Variants in TMEM26 observed in about 807,000 individuals in gnomAD.
TMEM26 encodes transmembrane protein 26.
In TMEM26, 38 loss-of-function variants were observed where a neutral mutation model predicts 28.8. The ratio of observed to expected loss-of-function variants is 1.32; its 90% CI spans 1.02 to 1.73. The LOEUF is 1.73. TMEM26 is among the 40% of genes most tolerant of loss of function. The probability of loss-of-function intolerance (pLI) is 0.00; values close to 1 mark genes in which losing one functional copy is unlikely to be tolerated. For missense variants in TMEM26, 518 were observed against 447.1 expected, an observed-to-expected ratio of 1.16 and a Z score of -1.43; for synonymous variants, 227 against 182.9, an observed-to-expected ratio of 1.24 and a Z score of -1.95.
chr10:61,443,770 T>C (rs572117601), intron 1 of TMEM26, among the ~76,000 whole-genome samples: 7 of 152,316 alleles, frequency 4.6e-5, no homozygotes, highest in African/African-American at 7.2e-5. Context: ...GTACCCCATA[T>C]ACCTCACTCA....
intron 4 of TMEM26, among the ~76,000 whole-genome samples, chr10:61,422,994 A>T (rs1326253199): frequency 6.6e-6 from 1 of 152,074 alleles, no homozygotes; most frequent in Non-Finnish European, 1.5e-5. Flanking sequence ...AGAAATTGCT[A>T]AACTCAAGAA....
Position 61,440,514 on chromosome 10 carries a change from C to CAAAAAA in TMEM26, c.192-4272_192-4267dup. On this transcript the variant is annotated intron_variant, in intron 1 of 5. Transcript: ENST00000399298. Reference sequence around the variant, plus strand: ...ATAACAGTGTTCTTCTTCCAGTTCTCAAAAAAAAAAAAAAAAAAAAGCAAG... The same window carrying CAAAAAA: ...ATAACAGTGTTCTTCTTCCAGTTCTCAAAAAAAAAAAAAAAAAAAAAAAAAAGCAAG... Among the ~76,000 whole-genome samples the CAAAAAA allele has an allele frequency of 2.0e-5, 2 of 99,058 alleles. 1 individual carries two copies. The highest frequency in any genetic ancestry group is 4.0e-5 in the Non-Finnish European group (2 of 49,414). The allele number at this position is 99,058 out of a possible 152,430, so 65.0% of individuals were successfully genotyped here.
At chr10:61,417,453 A>AGAATTCAT (rs1050294069) in intron 4 of TMEM26, among the ~76,000 whole-genome samples, 1 of 148,306 alleles carries the variant, frequency 6.7e-6, no homozygotes, top group African/African-American at 2.4e-5. Context: ...ATCAGTGGAT[A>AGAATTCAT]GAATTCATCT....
At chr10:61,426,980 G>T (rs1332365147) in intron 4 of TMEM26, among the ~76,000 whole-genome samples, 2 of 151,960 alleles carry the variant, frequency 1.3e-5, no homozygotes, top group Admixed American at 1.3e-4. Context: ...GAGGGTTTTT[G>T]GGACAGTGGA....
Position 61,409,894 on chromosome 10 carries a change from A to G in TMEM26, c.*428T>C, listed in dbSNP as rs1839540953. 1 of 170,738 alleles carries G rather than the reference A, an allele frequency of 5.9e-6. No individual in the cohort carries two copies. Among genetic ancestry groups the G allele is most frequent in the African/African-American group, 2.4e-5 (1 of 41,650 alleles). 10.6% of individuals were successfully genotyped at this position (170,738 alleles called of 1,614,324 possible). On this transcript the variant is annotated 3_prime_UTR_variant, in exon 6 of 6. Coordinates refer to ENST00000399298, the MANE Select transcript of TMEM26 (RefSeq NM_178505.8). ...CATTTGTTCTGCATTCACTGAATGT[A>G]CATTTTTTGATGTCAGAGGAACATT...
chr10:61,408,797 A>T lies in TMEM26; in HGVS notation c.*1525T>A, dbSNP rs2135281734. The T allele has an allele frequency of 6.6e-6, 1 of 151,786 alleles. No homozygotes were observed. The highest frequency in any genetic ancestry group is 6.5e-5 in the Admixed American group (1 of 15,302). The allele number at this position is 151,786 out of a possible 1,614,324, so 9.4% of individuals were successfully genotyped here. A position where few individuals can be genotyped will look rare whatever the true frequency, so the allele number is the denominator to read the frequency against. The stretch of plus-strand genomic sequence containing the variant: ...TTAGAAGCACAAGGAAGAAAGAAAT[A>T]AAAAACATATAACAATGGCACTGAA... On this transcript the variant is annotated 3_prime_UTR_variant, in exon 6 of 6. Coordinates refer to ENST00000399298, the MANE Select transcript of TMEM26 (RefSeq NM_178505.8).
At chr10:61,437,916 A>C (rs980371073) in intron 1 of TMEM26, among the ~76,000 whole-genome samples, 2 of 152,230 alleles carry the variant, frequency 1.3e-5, no homozygotes, top group African/African-American at 4.8e-5. Context: ...CAATAGTTTG[A>C]AATGACCTAG....
At position 61,443,141 on chromosome 10, in the gene TMEM26, A is replaced by G. The variant is rs917852522; in HGVS notation, c.192-6893T>C. 2.2e-4 allele frequency among the ~76,000 whole-genome samples: 33 copies of G among 152,074 alleles called. 1 individual carries two copies. The highest frequency in any genetic ancestry group is 4.4e-5 in the Non-Finnish European group (3 of 68,012). ...CCCCAAAATGGAAAATTGAATATAAATGAGAAAGTTTTAAAAGGTGCCAAG... is the reference window on the plus strand; with the variant it reads ...CCCCAAAATGGAAAATTGAATATAAGTGAGAAAGTTTTAAAAGGTGCCAAG... On this transcript the variant is annotated intron_variant, in intron 1 of 5. Transcript: ENST00000399298.
At chr10:61,411,788 C>T (rs770187188) in intron 5 of TMEM26, among the ~76,000 whole-genome samples, 84 of 152,258 alleles carry the variant, frequency 5.5e-4, no homozygotes, top group Non-Finnish European at 9.1e-4. Context: ...ATAATGAAGC[C>T]TTCCATTTGG....
intron 4 of TMEM26, chr10:61,414,854 A>G (rs1839624927): frequency 2.9e-6 from 1 of 340,286 alleles, no homozygotes; most frequent in Non-Finnish European, 4.2e-6. Flanking sequence ...AATTGATGAC[A>G]GACATTCAGA....
At chr10:61,418,069 G>A (rs1839682878) in intron 4 of TMEM26, among the ~76,000 whole-genome samples, 1 of 151,688 alleles carries the variant, frequency 6.6e-6, no homozygotes, top group South Asian at 2.1e-4. Flanking sequence ...CCCCAGCTTG[G>A]CTATTTTTTT....
chr10:61,438,770 A>G (rs1840046756), intron 1 of TMEM26, among the ~76,000 whole-genome samples: 1 of 152,202 alleles, frequency 6.6e-6, no homozygotes, highest in Non-Finnish European at 1.5e-5. Flanking sequence ...CGAAGACTTC[A>G]TTATCTGATC....
At chr10:61,439,764 A>T (rs377346399) in intron 1 of TMEM26, among the ~76,000 whole-genome samples, 6 of 152,294 alleles carry the variant, frequency 3.9e-5, no homozygotes, top group Admixed American at 2.0e-4. Flanking sequence ...AATGAGATTG[A>T]CACTTTAGGT....
At chr10:61,423,196 T>C (rs1024058458) in intron 4 of TMEM26, among the ~76,000 whole-genome samples, 6 of 152,272 alleles carry the variant, frequency 3.9e-5, no homozygotes, top group African/African-American at 1.4e-4. Flanking sequence ...TGATATTAAA[T>C]TGATAATTTA....
chr10:61,411,308 T>C (rs901638981), intron 5 of TMEM26, among the ~76,000 whole-genome samples: 5 of 152,206 alleles, frequency 3.3e-5, no homozygotes, highest in African/African-American at 1.2e-4. Context: ...TGGCTCATTT[T>C]GTTTCCATTA....
rs543644412 is a variant in TMEM26 at position 61,434,593 on chromosome 10, G to A, written c.270+1577C>T. 3.3e-5 allele frequency among the ~76,000 whole-genome samples: 5 copies of A among 152,250 alleles called. No individual in the cohort carries two copies. In the South Asian group the frequency reaches 1.0e-3, roughly 32 times the overall value. On this transcript the variant is annotated intron_variant, in intron 2 of 5. Transcript: ENST00000399298. The stretch of plus-strand genomic sequence containing the variant: ...ACTCCTTCCAGTATAGTTTTAAAAA[G>A]CCATGATAACTTGAACCAAAAATAT...
chr10:61,442,839 G>A (rs754066867), intron 1 of TMEM26, among the ~76,000 whole-genome samples: 1 of 152,174 alleles, frequency 6.6e-6, no homozygotes, highest in Non-Finnish European at 1.5e-5. Flanking sequence ...GCTTGGCAAA[G>A]GCTTTCTGTT....
At chr10:61,431,160 G>A in intron 3 of TMEM26, 59 bp downstream of exon 3, 2 of 1,376,366 alleles carry the variant, frequency 1.5e-6, no homozygotes, top group Non-Finnish European at 2.1e-6. Flanking sequence ...AGGTAATTGA[G>A]GATTATACCA....
At position 61,408,312 on chromosome 10, in the gene TMEM26, ATACTT is replaced by A. The variant is rs1245227056; in HGVS notation, c.*2005_*2009del. On this transcript the variant is annotated 3_prime_UTR_variant, in exon 6 of 6. Coordinates refer to ENST00000399298, the MANE Select transcript of TMEM26 (RefSeq NM_178505.8). ...AGCCCACGAGGAGTCTAATTACAAAATACTTTAATTTAAACACTAGAAACTCATTC... is the reference window on the plus strand; with the variant it reads ...AGCCCACGAGGAGTCTAATTACAAAATAATTTAAACACTAGAAACTCATTC... 3.3e-5 allele frequency: 5 copies of A among 152,218 alleles called. No homozygotes were observed. The highest frequency in any genetic ancestry group is 5.9e-5 in the Non-Finnish European group (4 of 68,036). 9.4% of individuals were successfully genotyped at this position (152,218 alleles called of 1,614,324 possible). A position where few individuals can be genotyped will look rare whatever the true frequency, so the allele number is the denominator to read the frequency against.
Sources: gnomAD v4.1 joint callset for allele counts (sites outside exome capture counted in the v4.1 genomes callset) on GRCh38, gnomAD v4.1.1 for gene constraint, MANE v1.5 for transcripts, NCBI Gene and HGNC (gene_info 2026-07-23, HGNC 2026-07-21) for gene names.